PRP4K: variants seen among roughly 807,000 people sequenced by gnomAD.
PRP4K encodes serine/threonine-protein kinase PRP4 homolog.
chr6:4,046,869 G>A, the PRP4K span, among the ~76,000 whole-genome samples: 40 of 151,924 alleles, frequency 2.6e-4, no homozygotes, highest in Non-Finnish European at 5.3e-4. Flanking sequence ...TGTTGGCCAG[G>A]CTGGTGTCAA....
the PRP4K span, among the ~76,000 whole-genome samples, chr6:4,028,110 C>T: frequency 4.6e-5 from 7 of 152,128 alleles, no homozygotes; most frequent in Non-Finnish European, 1.0e-4. Flanking sequence ...ATATAAAGAA[C>T]AAAGTTGAAA....
At chr6:4,052,050 C>T in the PRP4K span, 3 of 1,603,198 alleles carry the variant, frequency 1.9e-6, no homozygotes, top group Non-Finnish European at 2.6e-6. Flanking sequence ...TCTTCAGGCA[C>T]TTCTATCACA....
chr6:4,039,624 G>C, the PRP4K span, among the ~76,000 whole-genome samples: 2 of 152,074 alleles, frequency 1.3e-5, no homozygotes, highest in African/African-American at 4.8e-5. Context: ...CAGAGGATAG[G>C]GAGTCTCCAA....
the PRP4K span, among the ~76,000 whole-genome samples, chr6:4,054,480 T>A: frequency 6.6e-6 from 1 of 152,122 alleles, no homozygotes; most frequent in Non-Finnish European, 1.5e-5. Context: ...AAGTATAAAT[T>A]TGTGTGGCCA....
the PRP4K span, among the ~76,000 whole-genome samples, chr6:4,035,904 G>T: frequency 5.3e-5 from 8 of 152,206 alleles, no homozygotes; most frequent in East Asian, 1.2e-3. Flanking sequence ...GACAGAGGTT[G>T]CAGTGAGCCG....
the PRP4K span, among the ~76,000 whole-genome samples, chr6:4,058,376 C>G: frequency 6.6e-6 from 1 of 152,184 alleles, no homozygotes; most frequent in Non-Finnish European, 1.5e-5. Flanking sequence ...CATTAGGTTC[C>G]CTAACTGCCA....
chr6:4,022,377 A>G, the PRP4K span, among the ~76,000 whole-genome samples: 118,196 of 150,662 alleles, frequency 0.78, 46,410 homozygotes, highest in African/African-American at 0.81. Context: ...TTTGCTGTTC[A>G]TGTCTATGTT....
chr6:4,022,291 C>A, the PRP4K span, among the ~76,000 whole-genome samples: 1 of 136,494 alleles, frequency 7.3e-6, no homozygotes, highest in Non-Finnish European at 1.5e-5. Context: ...ATCCATGCGG[C>A]CAAATGAAAA....
At chr6:4,047,361 G>T in the PRP4K span, 4 of 904,002 alleles carry the variant, frequency 4.4e-6, no homozygotes, top group Non-Finnish European at 6.6e-6. Context: ...TTTGAACAGT[G>T]TGGGTGAAAG....
At chr6:4,032,688 A>G in the PRP4K span, 1 of 1,605,192 alleles carries the variant, frequency 6.2e-7, no homozygotes, top group Non-Finnish European at 8.5e-7. Flanking sequence ...TCCTGGGAGA[A>G]GAGCCAAGAG....
chr6:4,037,513 G>A, the PRP4K span: 55 of 1,614,018 alleles, frequency 3.4e-5, no homozygotes, highest in South Asian at 3.7e-4. Flanking sequence ...AGGAGGTCTC[G>A]TTCCCCACTC....
At chr6:4,031,227 C>T in the PRP4K span, among the ~76,000 whole-genome samples, 1 of 152,142 alleles carries the variant, frequency 6.6e-6, no homozygotes, top group Non-Finnish European at 1.5e-5. Context: ...GCTTCTTGTA[C>T]TAAATCAATG....
the PRP4K span, among the ~76,000 whole-genome samples, chr6:4,060,045 T>C: frequency 6.6e-6 from 1 of 152,242 alleles, no homozygotes; most frequent in South Asian, 2.1e-4. The surrounding 1 kb of genome is among the most constrained non-coding windows in gnomAD (Gnocchi z 4.7). Flanking sequence ...GAATAGATGA[T>C]GATGATACAG....
chr6:4,024,612 A>T, the PRP4K span, among the ~76,000 whole-genome samples: 1 of 151,980 alleles, frequency 6.6e-6, no homozygotes, highest in African/African-American at 2.4e-5. Flanking sequence ...ATTGGTGACT[A>T]TTTTATTTTT....
the PRP4K span, among the ~76,000 whole-genome samples, chr6:4,058,006 T>A: frequency 2.6e-5 from 4 of 152,056 alleles, no homozygotes; most frequent in Non-Finnish European, 4.4e-5. Context: ...TGGTTTTCAG[T>A]TGTGTTTTGT....
At chr6:4,028,848 C>T in the PRP4K span, among the ~76,000 whole-genome samples, 1 of 152,018 alleles carries the variant, frequency 6.6e-6, no homozygotes, top group African/African-American at 2.4e-5. Context: ...TCCCCCACCC[C>T]TTCTCCCAGC....
At chr6:4,050,941 A>C in the PRP4K span, among the ~76,000 whole-genome samples, 1 of 152,128 alleles carries the variant, frequency 6.6e-6, no homozygotes, top group African/African-American at 2.4e-5. Flanking sequence ...TTGCTCTGTC[A>C]CCCAGGCTGG....
At chr6:4,040,160 G>T in the PRP4K span, among the ~76,000 whole-genome samples, 3 of 150,348 alleles carry the variant, frequency 2.0e-5, no homozygotes, top group African/African-American at 7.3e-5. Flanking sequence ...GATTATATGT[G>T]TGTACCACTG....
At chr6:4,055,429 C>T in the PRP4K span, among the ~76,000 whole-genome samples, 1 of 152,124 alleles carries the variant, frequency 6.6e-6, no homozygotes, top group Non-Finnish European at 1.5e-5. Flanking sequence ...CTCTGGATAT[C>T]ATTTATAATA....
Sources: gnomAD v4.1 joint callset for allele counts (sites outside exome capture counted in the v4.1 genomes callset) on GRCh38, gnomAD v4.1.1 for gene constraint, Gnocchi (gnomAD v3.1) non-coding constraint, MANE v1.5 for transcripts, NCBI Gene and HGNC (gene_info 2026-07-23, HGNC 2026-07-21) for gene names.